The following MPP7 variants were observed in gnomAD, a reference collection of about 807,000 sequenced individuals.
MPP7 encodes the protein MAGUK p55 scaffold protein 7, also known as MAGUK p55 subfamily member 7.
MPP7 carries 60 observed loss-of-function variants against 76.5 expected under a neutral mutation model. That is an observed-to-expected ratio of 0.78 (90% CI 0.64 to 0.97). The LOEUF (loss-of-function observed/expected upper bound fraction) is 0.97. Ranked by LOEUF, MPP7 falls within the 50% of genes least tolerant of loss-of-function variation. The pLI, the probability that MPP7 is intolerant of heterozygous loss-of-function variation, is 0.00. For synonymous variants in MPP7, 237 were observed against 244.5 expected, an observed-to-expected ratio of 0.97 and a Z score of 0.29; for missense variants, 641 against 694.0, an observed-to-expected ratio of 0.92 and a Z score of 0.86.
chr10:28,260,549 G>A (rs949827412), intron 1 of MPP7, among the ~76,000 whole-genome samples: 14 of 151,824 alleles, frequency 9.2e-5, no homozygotes, highest in South Asian at 8.3e-4. Flanking sequence ...CAAGGTGGGC[G>A]GATCACCTGA....
intron 3 of MPP7, among the ~76,000 whole-genome samples, chr10:28,181,103 A>AG (rs1837043963): frequency 6.6e-6 from 1 of 152,220 alleles, no homozygotes; most frequent in Admixed American, 6.5e-5. Flanking sequence ...TTTTACTTTT[A>AG]GGTTCTTTAT....
At chr10:28,323,484 A>C (rs1250206460) in intron 2 of MPP7, among the ~76,000 whole-genome samples, 3 of 151,644 alleles carry the variant, frequency 2.0e-5, no homozygotes, top group Non-Finnish European at 4.4e-5. Flanking sequence ...AAGAAATCCC[A>C]GCCAAAACCG....
intron 12 of MPP7, among the ~76,000 whole-genome samples, chr10:28,083,532 C>CTTTTTT (rs5784040): frequency 4.9e-5 from 4 of 81,750 alleles, no homozygotes; most frequent in African/African-American, 1.3e-4. Context: ...TTTTCTTCCT[C>CTTTTTT]TTTTTTTTTT....
chr10:28,053,194 T>C lies in MPP7; in HGVS notation c.*871A>G, dbSNP rs1316671272. ...AAAACAGGTTTTACATGTTTTAGAA[T>C]AGAAATCCTTCTTCTAATTTATTGG... On this transcript the variant is annotated 3_prime_UTR_variant, in exon 17 of 17. Coordinates refer to ENST00000683449, the MANE Select transcript of MPP7 (RefSeq NM_001318170.2). The C allele has an allele frequency of 1.3e-5, 2 of 152,180 alleles. No individual in the cohort carries two copies. The highest frequency in any genetic ancestry group is 2.9e-5 in the Non-Finnish European group (2 of 68,028). The allele number at this position is 152,180 out of a possible 1,614,324, so 9.4% of individuals were successfully genotyped here. A position where few individuals can be genotyped will look rare whatever the true frequency, so the allele number is the denominator to read the frequency against.
chr10:28,290,001 T>A (rs1378921451), intron 1 of MPP7, among the ~76,000 whole-genome samples: 1 of 152,184 alleles, frequency 6.6e-6, no homozygotes, highest in Admixed American at 6.5e-5. Flanking sequence ...GTATTTTTTG[T>A]AGAGATGGGG....
chr10:28,161,910 C>T (rs1836276334), intron 3 of MPP7, among the ~76,000 whole-genome samples: 1 of 152,186 alleles, frequency 6.6e-6, no homozygotes. Flanking sequence ...TTCATTCCAA[C>T]AGATAGGTAA....
At chr10:28,211,549 C>A (rs1036861486) in intron 2 of MPP7, among the ~76,000 whole-genome samples, 1 of 151,844 alleles carries the variant, frequency 6.6e-6, no homozygotes, top group South Asian at 2.1e-4. Context: ...AACTAACAGG[C>A]AGGTGAGTTG....
At chr10:28,240,957 G>A (rs1839248560) in intron 1 of MPP7, among the ~76,000 whole-genome samples, 1 of 152,002 alleles carries the variant, frequency 6.6e-6, no homozygotes, top group Non-Finnish European at 1.5e-5. Flanking sequence ...TATTATATGT[G>A]TGTGTATATA....
chr10:28,124,863 C>G, intron 7 of MPP7, 147 bp downstream of exon 7: 1 of 651,154 alleles, frequency 1.5e-6, no homozygotes, highest in East Asian at 2.7e-5. Flanking sequence ...TTTAAATAGG[C>G]TCTCACATTT....
chr10:28,172,737 T>C (rs1038507165), intron 3 of MPP7, among the ~76,000 whole-genome samples: 1 of 152,226 alleles, frequency 6.6e-6, no homozygotes, highest in Non-Finnish European at 1.5e-5. Context: ...TTCTCGTGTA[T>C]CTAATTACAC....
chr10:28,232,285 T>C (rs902799951), intron 2 of MPP7, among the ~76,000 whole-genome samples: 9 of 151,630 alleles, frequency 5.9e-5, no homozygotes, highest in African/African-American at 2.2e-4. Flanking sequence ...TCCTAGGAGT[T>C]TGAGGCTGCA....
intron 1 of MPP7, among the ~76,000 whole-genome samples, chr10:28,267,675 G>A (rs1053886936): frequency 6.6e-6 from 1 of 152,126 alleles, no homozygotes; most frequent in Non-Finnish European, 1.5e-5. Flanking sequence ...AAGCATGTCA[G>A]ATAAGGGATA....
chr10:28,142,695 C>T (rs1037441358), intron 5 of MPP7, among the ~76,000 whole-genome samples: 1 of 152,176 alleles, frequency 6.6e-6, no homozygotes, highest in Non-Finnish European at 1.5e-5. Context: ...TGTGCCACTG[C>T]ACGCCAACCT....
At chr10:28,278,203 G>GC (rs1364652041) in intron 1 of MPP7, among the ~76,000 whole-genome samples, 10 of 151,954 alleles carry the variant, frequency 6.6e-5, no homozygotes, top group Non-Finnish European at 7.3e-5. Flanking sequence ...TCCCAAAGTG[G>GC]CCCTAGCAAC....
chr10:28,144,166 T>C (rs1019037897), intron 5 of MPP7, among the ~76,000 whole-genome samples: 11 of 152,196 alleles, frequency 7.2e-5, no homozygotes, highest in African/African-American at 2.6e-4. Context: ...TAGTGCTCTA[T>C]GTGAATTATT....
intron 3 of MPP7, among the ~76,000 whole-genome samples, chr10:28,162,974 C>T (rs1171781685): frequency 6.6e-6 from 1 of 152,066 alleles, no homozygotes; most frequent in African/African-American, 2.4e-5. Flanking sequence ...ATTGGTTGGA[C>T]CCAACTGAAT....
At chr10:28,284,431 T>C (rs1840749549) in intron 1 of MPP7, among the ~76,000 whole-genome samples, 1 of 152,146 alleles carries the variant, frequency 6.6e-6, no homozygotes, top group South Asian at 2.1e-4. Flanking sequence ...CTGTTTCAAG[T>C]CACAGGCAGC....
chr10:28,277,008 CAT>C (rs888441399), intron 1 of MPP7, among the ~76,000 whole-genome samples: 3 of 151,760 alleles, frequency 2.0e-5, no homozygotes, highest in Admixed American at 6.6e-5. Flanking sequence ...GCTTGGACAA[CAT>C]AGTGAGATGC....
chr10:28,119,050 C>A, intron 11 of MPP7: 1 of 985,268 alleles, frequency 1.0e-6, no homozygotes, highest in Non-Finnish European at 1.2e-6. Flanking sequence ...GAAAAGCTGA[C>A]AGAAGATTAG....
Sources: allele counts gnomAD v4.1 joint callset (sites outside exome capture counted in the v4.1 genomes callset), GRCh38; gene constraint gnomAD v4.1.1; transcripts MANE v1.5; gene names NCBI Gene and HGNC (gene_info 2026-07-23, HGNC 2026-07-21).